P3H2: variants seen among roughly 807,000 people sequenced by gnomAD.
P3H2 encodes the protein prolyl 3-hydroxylase 2.
A neutral mutation model predicts 87.0 loss-of-function variants in P3H2; 80 were observed. The observed-to-expected ratio is 0.92, with a 90% CI of 0.77 to 1.11. The LOEUF is 1.11. P3H2 is among the 50% of genes least tolerant of loss of function. The pLI is 0.00. For synonymous variants in P3H2, 367 were observed against 359.3 expected (o/e 1.02, Z -0.24); for missense variants, 1,001 against 923.9 (o/e 1.08, Z -1.08).
At position 189,957,259 on chromosome 3, in the gene P3H2, C is replaced by A; in HGVS notation, c.*653G>T. ...GGCTCCTCAGACCCAAAGTGGAGCTCACTTTGGAGAGTCGGAGCTCATGGC... is the reference window on the plus strand; with the variant it reads ...GGCTCCTCAGACCCAAAGTGGAGCTAACTTTGGAGAGTCGGAGCTCATGGC... On this transcript the variant is annotated 3_prime_UTR_variant, in exon 15 of 15. Coordinates refer to ENST00000319332, the MANE Select transcript of P3H2 (RefSeq NM_018192.4). The A allele has an allele frequency of 7.5e-6, 3 of 399,376 alleles. No homozygotes were observed. The allele number at this position is 399,376 out of a possible 1,614,324, so 24.7% of individuals were successfully genotyped here.
chr3:190,005,094 A>G (rs1724345990), intron 1 of P3H2, among the ~76,000 whole-genome samples: 1 of 152,232 alleles, frequency 6.6e-6, no homozygotes, highest in South Asian at 2.1e-4. Flanking sequence ...TTAACTATGG[A>G]TTTCTGTTTC....
intron 1 of P3H2, among the ~76,000 whole-genome samples, chr3:190,049,925 T>C (rs1356895692): frequency 6.6e-6 from 1 of 152,212 alleles, no homozygotes; most frequent in Non-Finnish European, 1.5e-5. Flanking sequence ...TTCTTTATTG[T>C]GGAACTTTCA....
chr3:190,055,675 T>C (rs1726132081), intron 1 of P3H2, among the ~76,000 whole-genome samples: 2 of 151,744 alleles, frequency 1.3e-5, no homozygotes, highest in African/African-American at 2.4e-5. Flanking sequence ...GATTATTATG[T>C]GGGCCTTGAG....
At chr3:190,100,417 A>T (rs1009375747) in intron 1 of P3H2, among the ~76,000 whole-genome samples, 1 of 152,170 alleles carries the variant, frequency 6.6e-6, no homozygotes, top group African/African-American at 2.4e-5. Flanking sequence ...TAAAATGAGG[A>T]GTGAACAACT....
chr3:189,968,951 T>C (rs763034933), intron 13 of P3H2: 21 of 171,408 alleles, frequency 1.2e-4, no homozygotes, highest in Non-Finnish European at 2.4e-4. Context: ...TGTTTGTTTG[T>C]TTTTCTTGTA....
At chr3:189,996,698 A>G (rs1355710788) in intron 1 of P3H2, among the ~76,000 whole-genome samples, 1 of 152,156 alleles carries the variant, frequency 6.6e-6, no homozygotes, top group Non-Finnish European at 1.5e-5. Flanking sequence ...ATGAATACAC[A>G]TATGGAAACA....
Position 189,994,095 on chromosome 3 carries a change from T to A in P3H2, c.822A>T (p.Ala274=). 6.2e-7 allele frequency: 1 copy of A among 1,605,866 alleles called. No individual in the cohort carries two copies. The highest frequency in any genetic ancestry group is 8.5e-7 in the Non-Finnish European group (1 of 1,173,820). ...GYKAGLYEAI[A]DHYMQVLVCQ... Reference sequence around the variant, plus strand: ...TAAAATGAAAAATTAAGCTTTTACCTGCAATAGCTTCATACAGACCAGCCT... The same window carrying A: ...TAAAATGAAAAATTAAGCTTTTACCAGCAATAGCTTCATACAGACCAGCCT... The change falls in exon 3 of 15, where the codon GCA becomes GCT. Residue 274 remains alanine, a splice_region_variant and synonymous_variant. Transcript: ENST00000319332.
intron 5 of P3H2, 65 bp from the exon 6 acceptor site, chr3:189,986,942 G>C: frequency 9.5e-7 from 1 of 1,056,480 alleles, no homozygotes; most frequent in Non-Finnish European, 1.5e-6. Flanking sequence ...TATGATAAAT[G>C]TTCAGGTGGC....
chr3:189,994,315 A>AACAC, intron 2 of P3H2, 32 bp from the exon 3 acceptor site: 1 of 1,491,630 alleles, frequency 6.7e-7, no homozygotes, highest in Non-Finnish European at 9.3e-7. Flanking sequence ...AAAACAAACA[A>AACAC]ACAAACAAAC....
At chr3:190,007,155 C>A (rs1168050015) in intron 1 of P3H2, among the ~76,000 whole-genome samples, 1 of 152,018 alleles carries the variant, frequency 6.6e-6, no homozygotes, top group Non-Finnish European at 1.5e-5. Context: ...TTATAATATC[C>A]TTTTAGTTGT....
intron 1 of P3H2, among the ~76,000 whole-genome samples, chr3:190,043,910 T>C (rs562482032): frequency 6.6e-6 from 1 of 152,176 alleles, no homozygotes; most frequent in African/African-American, 2.4e-5. Flanking sequence ...CATGCTTTTA[T>C]TACTGAAATA....
intron 3 of P3H2, among the ~76,000 whole-genome samples, chr3:189,992,585 T>C (rs1723910752): frequency 6.6e-6 from 1 of 152,234 alleles, no homozygotes; most frequent in African/African-American, 2.4e-5. Context: ...TACTTTTCAA[T>C]TATGTAGACC....
At chr3:190,075,126 A>G (rs539891595) in intron 1 of P3H2, among the ~76,000 whole-genome samples, 2 of 152,356 alleles carry the variant, frequency 1.3e-5, no homozygotes, top group East Asian at 3.9e-4. Flanking sequence ...GTTCTCAAGG[A>G]GTTCATAGTC....
chr3:190,100,238 G>GCCCC (rs776308851), intron 1 of P3H2, among the ~76,000 whole-genome samples: 4 of 67,266 alleles, frequency 5.9e-5, no homozygotes, highest in South Asian at 6.4e-4. Context: ...TCCGTCCCCC[G>GCCCC]CCCCCCCCGC....
chr3:190,056,121 A>G (rs554989743), intron 1 of P3H2, among the ~76,000 whole-genome samples: 6 of 152,320 alleles, frequency 3.9e-5, no homozygotes, highest in African/African-American at 7.2e-5. Context: ...TCTCACATGG[A>G]AAGTCCATGT....
chr3:190,067,774 T>C (rs1277359113), intron 1 of P3H2, among the ~76,000 whole-genome samples: 1 of 152,142 alleles, frequency 6.6e-6, no homozygotes. Context: ...TATTCTTAAG[T>C]ATACAAAAAT....
intron 1 of P3H2, among the ~76,000 whole-genome samples, chr3:190,072,869 T>C (rs1726750896): frequency 6.6e-6 from 1 of 152,222 alleles, no homozygotes; most frequent in South Asian, 2.1e-4. Flanking sequence ...GAATACTGAT[T>C]TCTGAGATTT....
At chr3:190,023,742 T>C (rs1009472721) in intron 1 of P3H2, among the ~76,000 whole-genome samples, 5 of 152,198 alleles carry the variant, frequency 3.3e-5, no homozygotes, top group African/African-American at 1.2e-4. Flanking sequence ...TTTAAAAGCA[T>C]TGTGCAAGTC....
At chr3:190,066,427 G>A (rs1726507449) in intron 1 of P3H2, among the ~76,000 whole-genome samples, 1 of 152,064 alleles carries the variant, frequency 6.6e-6, no homozygotes, top group Admixed American at 6.6e-5. Flanking sequence ...ATAAGTGGGA[G>A]CTGAGCTATG....
Sources: allele counts gnomAD v4.1 joint callset (sites outside exome capture counted in the v4.1 genomes callset), GRCh38; gene constraint gnomAD v4.1.1; transcripts MANE v1.5; gene names NCBI Gene and HGNC (gene_info 2026-07-23, HGNC 2026-07-21).